WIPF1: variants seen among roughly 807,000 people sequenced by gnomAD.
WIPF1 encodes WAS/WASL interacting protein family member 1, also known as WAS/WASL-interacting protein family member 1.
Under a neutral mutation model 35.4 loss-of-function variants are expected in WIPF1, and 13 were observed. That is an observed-to-expected ratio of 0.37 (90% CI 0.24 to 0.58). The LOEUF is 0.58. WIPF1 is among the 20% of genes least tolerant of loss of function. The probability of loss-of-function intolerance (pLI) is 0.74; values close to 1 mark genes in which losing one functional copy is unlikely to be tolerated. For missense variants in WIPF1, 591 were observed against 667.0 expected (o/e 0.89, Z 1.25); for synonymous variants, 267 against 266.3 (o/e 1.00, Z -0.02).
intron 1 of WIPF1, among the ~76,000 whole-genome samples, chr2:174,626,179 C>A (rs1331140742): frequency 6.6e-6 from 1 of 152,146 alleles, no homozygotes; most frequent in African/African-American, 2.4e-5. Flanking sequence ...AAAAAAACTT[C>A]TTTTTCTTAA....
intron 1 of WIPF1, among the ~76,000 whole-genome samples, chr2:174,619,991 A>G (rs1686626296): frequency 6.6e-6 from 1 of 152,160 alleles, no homozygotes; most frequent in Non-Finnish European, 1.5e-5. Context: ...CTTGACAACA[A>G]TGAATGCTGC....
chr2:174,611,761 C>T (rs1160898811), intron 1 of WIPF1, among the ~76,000 whole-genome samples: 1 of 152,100 alleles, frequency 6.6e-6, no homozygotes, highest in Non-Finnish European at 1.5e-5. Flanking sequence ...CATGTTAACC[C>T]ATATGATGTT....
intron 1 of WIPF1, among the ~76,000 whole-genome samples, chr2:174,678,649 A>G (rs939177133): frequency 6.6e-6 from 1 of 152,276 alleles, no homozygotes; most frequent in Non-Finnish European, 1.5e-5. Context: ...TACACTGATG[A>G]TGGCCACTGT....
chr2:174,585,415 CAT>C (rs2105841119), intron 2 of WIPF1, 106 bp downstream of exon 2: 1 of 1,160,070 alleles, frequency 8.6e-7, no homozygotes, highest in Non-Finnish European at 1.3e-6. Flanking sequence ...TGTTGTATCA[CAT>C]GTGAGCCAGA....
At chr2:174,654,379 T>C (rs2105965948) in intron 1 of WIPF1, among the ~76,000 whole-genome samples, 1 of 152,312 alleles carries the variant, frequency 6.6e-6, no homozygotes, top group East Asian at 1.9e-4. Context: ...AACTAGAGTT[T>C]ATCTTTGTGT....
chr2:174,624,807 TAATACCC>T (rs1364905391), intron 1 of WIPF1, among the ~76,000 whole-genome samples: 4 of 152,154 alleles, frequency 2.6e-5, no homozygotes, highest in African/African-American at 9.7e-5. Flanking sequence ...CTCATTATTT[TAATACCC>T]AGGATGTCTG....
chr2:174,651,310 T>G (rs1687527804), intron 1 of WIPF1, among the ~76,000 whole-genome samples: 1 of 152,194 alleles, frequency 6.6e-6, no homozygotes, highest in African/African-American at 2.4e-5. Flanking sequence ...ACATTAAGTA[T>G]TTACATGAAT....
chr2:174,561,862 C>A lies in WIPF1; in HGVS notation c.*685G>T. On this transcript the variant is annotated 3_prime_UTR_variant, in exon 8 of 8. Coordinates refer to ENST00000679041, the MANE Select transcript of WIPF1 (RefSeq NM_001375834.1). Reference sequence around the variant, plus strand: ...AGATGTGCGGTAAGTGTAAAATACACTCTGGATTTTGAAGATTCAGTACCA... The same window carrying A: ...AGATGTGCGGTAAGTGTAAAATACAATCTGGATTTTGAAGATTCAGTACCA... 3.6e-6 allele frequency: 2 copies of A among 554,222 alleles called. No individual in the cohort carries two copies. The highest frequency in any genetic ancestry group is 6.2e-6 in the Non-Finnish European group (2 of 324,180). 34.3% of individuals were successfully genotyped at this position (554,222 alleles called of 1,614,324 possible).
intron 1 of WIPF1, among the ~76,000 whole-genome samples, chr2:174,649,196 C>T (rs535246040): frequency 7.2e-5 from 11 of 152,144 alleles, no homozygotes; most frequent in Non-Finnish European, 1.5e-4. Flanking sequence ...TAAAAATACA[C>T]GTATTTCAGA....
intron 1 of WIPF1, among the ~76,000 whole-genome samples, chr2:174,656,918 A>G (rs1314408710): frequency 6.6e-6 from 1 of 151,948 alleles, no homozygotes; most frequent in Non-Finnish European, 1.5e-5. Context: ...AAAACAAAAT[A>G]GACAGCTACT....
intron 1 of WIPF1, among the ~76,000 whole-genome samples, chr2:174,674,197 G>C (rs1026832772): frequency 2.0e-5 from 3 of 152,198 alleles, no homozygotes; most frequent in African/African-American, 7.2e-5. Context: ...TGAGCGCAAG[G>C]ACTTTCAACA....
upstream of WIPF1, among the ~76,000 whole-genome samples, chr2:174,602,677 C>A (rs1350989638): frequency 6.6e-6 from 1 of 152,204 alleles, no homozygotes; most frequent in African/African-American, 2.4e-5. Context: ...ATTATCAGTA[C>A]AGCTACATAC....
chr2:174,608,775 A>C (rs1009861856), intron 1 of WIPF1, among the ~76,000 whole-genome samples: 1 of 152,246 alleles, frequency 6.6e-6, no homozygotes, highest in Non-Finnish European at 1.5e-5. Flanking sequence ...TATAAAGGCC[A>C]GAATGGGCCT....
intron 1 of WIPF1, among the ~76,000 whole-genome samples, chr2:174,588,476 C>G (rs1685496361): frequency 6.6e-6 from 1 of 152,172 alleles, no homozygotes; most frequent in Non-Finnish European, 1.5e-5. Context: ...AGGGGGCAGA[C>G]TGTGGAATGG....
intron 1 of WIPF1, among the ~76,000 whole-genome samples, chr2:174,620,125 C>A (rs1383529325): frequency 6.6e-6 from 1 of 152,176 alleles, no homozygotes; most frequent in Non-Finnish European, 1.5e-5. Context: ...AGAGCAAAAG[C>A]CTATAACCTA....
rs184186490 is a variant in WIPF1, at chr2:174,637,862, C to T, written c.-39+44912G>A. Among the ~76,000 whole-genome samples, 244 of 152,372 alleles carry T rather than the reference C, an allele frequency of 1.6e-3. 1 individual carries two copies. The highest frequency in any genetic ancestry group is 5.7e-3 in the African/African-American group (237 of 41,590). ...TCTGCACTGGCTTAATCCCAAGATG[C>T]ATGGTTGTGCTGGTACTGTTTTTTC... On this transcript the variant is annotated intron_variant, in intron 1 of 8. Transcript: ENST00000272746.
In WIPF1 at chr2:174,581,372, A is replaced by G. The variant is rs1471632521; in HGVS notation, c.119T>C (p.Ile40Thr). ...CTTCTTTAGTTTCTTCCCTTTGCTG[A>G]TATCAGAAAGGAGAGCATTTCTCCC... ...QAGRNALLSD[I>T]SKGKKLKKTV... is the part of the protein sequence containing the mutation. Residue 40 changes from isoleucine to threonine, a missense_variant, in exon 3 of 8, where the codon ATC becomes ACC. Coordinates refer to ENST00000679041, the MANE Select transcript of WIPF1 (RefSeq NM_001375834.1). 6.2e-7 allele frequency: 1 copy of G among 1,614,004 alleles called. No individual in the cohort carries two copies.
intron 1 of WIPF1, among the ~76,000 whole-genome samples, chr2:174,637,644 G>A (rs555066064): frequency 1.2e-4 from 18 of 152,276 alleles, no homozygotes; most frequent in African/African-American, 7.2e-5. Flanking sequence ...AAAATGAGCC[G>A]GGCATGGTGG....
intron 1 of WIPF1, among the ~76,000 whole-genome samples, chr2:174,616,973 T>C (rs998381276): frequency 6.6e-6 from 1 of 152,136 alleles, no homozygotes; most frequent in African/African-American, 2.4e-5. Flanking sequence ...TATTTGATTT[T>C]TTTTTCATTT....
Sources: allele counts gnomAD v4.1 joint callset (sites outside exome capture counted in the v4.1 genomes callset), GRCh38; gene constraint gnomAD v4.1.1; transcripts MANE v1.5; gene names NCBI Gene and HGNC (gene_info 2026-07-23, HGNC 2026-07-21).